DNAH11: variants seen among roughly 807,000 people sequenced by gnomAD.
DNAH11 encodes axonemal beta dynein heavy chain 11.
Under a neutral mutation model 526.0 loss-of-function variants are expected in DNAH11, and 442 were observed. The ratio of observed to expected loss-of-function variants is 0.84; its 90% CI spans 0.78 to 0.91. The LOEUF (loss-of-function observed/expected upper bound fraction) is 0.91, where lower values mean the gene tolerates loss of function less well. Among genes scored for constraint, DNAH11 ranks in the 40% least tolerant of loss-of-function variants. The probability of loss-of-function intolerance (pLI) is 0.00; values close to 1 mark genes in which losing one functional copy is unlikely to be tolerated. For synonymous variants in DNAH11, 2,461 were observed against 1,935.9 expected (o/e 1.27, Z -7.12); for missense variants, 6,989 against 5,448.7 (o/e 1.28, Z -8.90).
rs527807254 is a variant in DNAH11 at position 21,874,779 on chromosome 7, A to G, written c.12195+1278A>G. Among the ~76,000 whole-genome samples, 140 of 152,158 alleles carry G rather than the reference A, an allele frequency of 9.2e-4. 1 individual carries two copies. The highest frequency in any genetic ancestry group is 1.5e-3 in the Admixed American group (23 of 15,288). On this transcript the variant is annotated intron_variant, in intron 74 of 81. Transcript: ENST00000409508. The stretch of plus-strand genomic sequence containing the variant: ...ATCCTATCTATCAACATCATTGTCA[A>G]GTCTTTCAGTTTCCTTTCTTGCTAT...
At chr7:21,776,770 A>G (rs1328372260) in intron 56 of DNAH11, among the ~76,000 whole-genome samples, 1 of 152,110 alleles carries the variant, frequency 6.6e-6, no homozygotes, top group Non-Finnish European at 1.5e-5. Flanking sequence ...CTATTTTGAG[A>G]TGATAATAGA....
intron 57 of DNAH11, 35 bp downstream of exon 57, chr7:21,779,139 A>G (rs957755733): frequency 1.3e-5 from 20 of 1,587,720 alleles, no homozygotes; most frequent in African/African-American, 2.7e-5. Context: ...GTGCGGAGCT[A>G]TATTTAGCAC....
intron 14 of DNAH11, among the ~76,000 whole-genome samples, chr7:21,594,591 C>T (rs957409417): frequency 8.6e-5 from 13 of 152,024 alleles, no homozygotes; most frequent in African/African-American, 2.7e-4. Context: ...CAGAGTAGGC[C>T]TCAACCAGAA....
intron 14 of DNAH11, among the ~76,000 whole-genome samples, chr7:21,596,909 T>C (rs1347609847): frequency 1.3e-5 from 2 of 152,202 alleles, no homozygotes; most frequent in African/African-American, 4.8e-5. Flanking sequence ...GTTGGGTCTT[T>C]TAAGTGATTA....
Position 21,864,545 on chromosome 7 carries a change from G to C in DNAH11, c.11384G>C (p.Arg3795Thr), listed in dbSNP as rs776639442. 1.2e-6 allele frequency: 2 copies of C among 1,610,656 alleles called. No homozygotes were observed. The highest frequency in any genetic ancestry group is 1.7e-6 in the Non-Finnish European group (2 of 1,178,480). ...LSQMAFQILL[R>T]KKEIDPLELD... ...TTGTCTACTCTCAAGATTTTGTTGA[G>C]AAAGAAAGAGATAGACCCTCTTGAA... Residue 3795 changes from arginine (R) to threonine (T), a missense_variant, in exon 70 of 82, where the codon AGA becomes ACA. By Grantham distance (71) the Arg-to-Thr change is moderately conservative. Coordinates refer to ENST00000409508, the MANE Select transcript of DNAH11 (RefSeq NM_001277115.2).
At chr7:21,847,066 G>A (rs1296748681) in intron 66 of DNAH11, among the ~76,000 whole-genome samples, 1 of 151,936 alleles carries the variant, frequency 6.6e-6, no homozygotes, top group Non-Finnish European at 1.5e-5. Flanking sequence ...ACTAGTAATT[G>A]GTGCCTTCTC....
intron 45 of DNAH11, among the ~76,000 whole-genome samples, chr7:21,734,420 C>T (rs564350797): frequency 6.6e-6 from 1 of 152,186 alleles, no homozygotes; most frequent in Non-Finnish European, 1.5e-5. Flanking sequence ...ATATGAGATG[C>T]AGCTCGAATA....
At chr7:21,640,644 C>T (rs1435913790) in intron 28 of DNAH11, among the ~76,000 whole-genome samples, 6 of 152,032 alleles carry the variant, frequency 3.9e-5, no homozygotes, top group South Asian at 2.1e-4. Context: ...TGTGCCCTGC[C>T]GAGTCTCTTT....
chr7:21,820,208 G>A (rs1369634876), intron 65 of DNAH11, among the ~76,000 whole-genome samples: 5 of 152,138 alleles, frequency 3.3e-5, no homozygotes, highest in African/African-American at 9.7e-5. Context: ...ACTGCTATAT[G>A]CCAGGTACTA....
chr7:21,673,856 A>G (rs976973098), intron 30 of DNAH11, among the ~76,000 whole-genome samples: 2 of 151,700 alleles, frequency 1.3e-5, no homozygotes, highest in Admixed American at 6.6e-5. Flanking sequence ...GTTTTCTTTA[A>G]CTTAGAAAAT....
chr7:21,813,171 AGTT>A (rs771052875), intron 63 of DNAH11, among the ~76,000 whole-genome samples: 7 of 52,576 alleles, frequency 1.3e-4, no homozygotes, highest in Admixed American at 2.6e-4. Context: ...TTCCATCCAA[AGTT>A]GTTGTTTCCA....
chr7:21,811,294 C>A (rs35142802), intron 63 of DNAH11, among the ~76,000 whole-genome samples: 62,529 of 151,184 alleles, frequency 0.41, 13,783 homozygotes, highest in East Asian at 0.82. Flanking sequence ...GAAACCCCCC[C>A]CCCTACTAAA....
At position 21,861,734 on chromosome 7, in the gene DNAH11, A is replaced by C; in HGVS notation, c.11203-119A>C. The stretch of plus-strand genomic sequence containing the variant: ...TGCCAGAAACTATAATCCTCCTAAA[A>C]ATTTTGCCTCATTCTCACTCCCTAT... On this transcript the variant is annotated intron_variant, in intron 68 of 81. Transcript: ENST00000409508. The C allele has an allele frequency of 3.0e-6, 3 of 1,009,082 alleles. No homozygotes were observed. The South Asian group carries it at 5.0e-5, about 17-fold the overall frequency. 62.5% of individuals were successfully genotyped at this position (1,009,082 alleles called of 1,614,324 possible).
At chr7:21,854,964 G>A (rs1175471569) in intron 68 of DNAH11, among the ~76,000 whole-genome samples, 1 of 151,366 alleles carries the variant, frequency 6.6e-6, no homozygotes, top group African/African-American at 2.4e-5. Context: ...GTAAGGCTTT[G>A]AGGTAATTAA....
chr7:21,696,536 G>A (rs1272445363), intron 35 of DNAH11, among the ~76,000 whole-genome samples: 1 of 152,140 alleles, frequency 6.6e-6, no homozygotes, highest in African/African-American at 2.4e-5. Context: ...AGCTTTGTTT[G>A]AAAACTGTGT....
chr7:21,869,193 C>G (rs1428616020), intron 73 of DNAH11, among the ~76,000 whole-genome samples: 1 of 152,200 alleles, frequency 6.6e-6, no homozygotes, highest in Non-Finnish European at 1.5e-5. Flanking sequence ...TTCTGAGAGA[C>G]TGTCTAGCCA....
chr7:21,651,822 A>C (rs1781790269), intron 28 of DNAH11, among the ~76,000 whole-genome samples: 1 of 152,176 alleles, frequency 6.6e-6, no homozygotes, highest in African/African-American at 2.4e-5. Flanking sequence ...TTGATTACTA[A>C]CTCTCCAGCC....
At chr7:21,547,239 A>G (rs1354845276) in intron 2 of DNAH11, among the ~76,000 whole-genome samples, 3 of 152,246 alleles carry the variant, frequency 2.0e-5, no homozygotes, top group African/African-American at 7.2e-5. Flanking sequence ...CATGTGGCTC[A>G]GAATTTCGTA....
intron 65 of DNAH11, among the ~76,000 whole-genome samples, chr7:21,837,162 G>A (rs1383869165): frequency 6.6e-6 from 1 of 152,156 alleles, no homozygotes; most frequent in Non-Finnish European, 1.5e-5. Flanking sequence ...AATCGGTATA[G>A]CCATTATGGA....
Sources: allele counts gnomAD v4.1 joint callset (sites outside exome capture counted in the v4.1 genomes callset), GRCh38; gene constraint gnomAD v4.1.1; transcripts MANE v1.5; gene names NCBI Gene and HGNC (gene_info 2026-07-23, HGNC 2026-07-21).